FIG4: variants seen among roughly 807,000 people sequenced by gnomAD.
FIG4 encodes the protein polyphosphoinositide phosphatase.
A neutral mutation model predicts 118.6 loss-of-function variants in FIG4; 112 were observed. That is an observed-to-expected ratio of 0.94 (90% CI 0.81 to 1.11). The LOEUF is 1.11. Among genes scored for constraint, FIG4 ranks in the 50% least tolerant of loss-of-function variants. The probability of loss-of-function intolerance (pLI) is 0.00; values close to 1 mark genes in which losing one functional copy is unlikely to be tolerated. For synonymous variants in FIG4, 369 were observed against 381.2 expected (o/e 0.97, Z 0.37); for missense variants, 969 against 1,111.7 (o/e 0.87, Z 1.83).
intron 1 of FIG4, among the ~76,000 whole-genome samples, chr6:109,696,997 A>G (rs767820298): frequency 1.3e-5 from 2 of 152,120 alleles, no homozygotes; most frequent in Non-Finnish European, 2.9e-5. Flanking sequence ...ATATCACTCT[A>G]TGTTTCATAT....
chr6:109,726,476 A>G (rs1775820420), intron 3 of FIG4, among the ~76,000 whole-genome samples: 1 of 152,092 alleles, frequency 6.6e-6, no homozygotes. Context: ...TTTTGGTACC[A>G]GTACCATGCT....
At chr6:109,740,892 T>C (rs912441753) in intron 7 of FIG4, among the ~76,000 whole-genome samples, 10 of 151,716 alleles carry the variant, frequency 6.6e-5, no homozygotes, top group Admixed American at 6.6e-4. Context: ...TGGTGGAAGG[T>C]GAAGGGGAAG....
At position 109,759,298 on chromosome 6, in the gene FIG4, G is replaced by T. The variant is rs747664589; in HGVS notation, c.1138-952G>T. On this transcript the variant is annotated intron_variant, in intron 10 of 22. Transcript: ENST00000230124. The stretch of plus-strand genomic sequence containing the variant: ...AGGATGAGTTCATGTCGTTGAGAGT[G>T]ATGGAACTACCTAATGTAGATATTG... 2.0e-5 allele frequency among the ~76,000 whole-genome samples: 3 copies of T among 152,094 alleles called. No homozygotes were observed. In the South Asian group the frequency reaches 6.2e-4, roughly 32 times the overall value.
chr6:109,778,363 G>A (rs58191833), intron 16 of FIG4, among the ~76,000 whole-genome samples: 5,108 of 151,466 alleles, frequency 0.034, 280 homozygotes, highest in African/African-American at 0.12. Context: ...CCAGCTACTC[G>A]GGAGTCTGAG....
intron 1 of FIG4, among the ~76,000 whole-genome samples, chr6:109,708,377 A>G (rs1289737414): frequency 6.6e-6 from 1 of 152,204 alleles, no homozygotes; most frequent in Non-Finnish European, 1.5e-5. Flanking sequence ...ACTGATGGGC[A>G]TTTAGGTTGA....
intron 18 of FIG4, among the ~76,000 whole-genome samples, chr6:109,788,024 A>G (rs1390870787): frequency 1.3e-5 from 2 of 152,194 alleles, no homozygotes; most frequent in African/African-American, 4.8e-5. Flanking sequence ...AAAATTCTTT[A>G]TAATAACTTT....
intron 22 of FIG4, among the ~76,000 whole-genome samples, chr6:109,802,361 C>G (rs1321929373): frequency 6.6e-6 from 1 of 152,176 alleles, no homozygotes; most frequent in Non-Finnish European, 1.5e-5. Flanking sequence ...CAAGTTCCTG[C>G]CATACATATT....
chr6:109,719,398 T>C (rs1206075328), intron 3 of FIG4, among the ~76,000 whole-genome samples: 2 of 152,020 alleles, frequency 1.3e-5, no homozygotes, highest in Non-Finnish European at 2.9e-5. Flanking sequence ...GTTTTTTTTT[T>C]CTTTGAGACA....
chr6:109,803,108 G>C (rs1439047047), intron 22 of FIG4, among the ~76,000 whole-genome samples: 2 of 152,142 alleles, frequency 1.3e-5, no homozygotes, highest in Non-Finnish European at 2.9e-5. Flanking sequence ...ACAAGATCAG[G>C]AAGAGATGCT....
intron 1 of FIG4, among the ~76,000 whole-genome samples, chr6:109,700,304 GAAC>G (rs1774867996): frequency 6.6e-6 from 1 of 152,030 alleles, no homozygotes; most frequent in Non-Finnish European, 1.5e-5. Flanking sequence ...TTAGTAGCCT[GAAC>G]AACAGATAAA....
At chr6:109,822,797 A>G (rs1046576084) in intron 22 of FIG4, among the ~76,000 whole-genome samples, 2,756 of 49,524 alleles carry the variant, frequency 0.056, 69 homozygotes, top group South Asian at 0.1. Context: ...GTATATATAT[A>G]TATATATATA....
intron 1 of FIG4, among the ~76,000 whole-genome samples, chr6:109,697,394 A>G (rs560391007): frequency 0.015 from 2,243 of 152,264 alleles, 22 homozygotes; most frequent in Middle Eastern, 0.024. Context: ...AGTCATCTGA[A>G]GGCTTGAAAG....
Position 109,786,297 on chromosome 6 carries a change from CTT to C in FIG4, c.1949-4_1949-3del. On this transcript the variant is annotated splice_region_variant and splice_polypyrimidine_tract_variant and intron_variant, in intron 17 of 22. Coordinates refer to ENST00000230124, the MANE Select transcript of FIG4 (RefSeq NM_014845.6). Reference sequence around the variant, plus strand: ...TTTTAGAGTAACATGCAGTATCTCTCTTAGTTATCTGTGCTGTGAACTTAAAG... The same window carrying C: ...TTTTAGAGTAACATGCAGTATCTCTCAGTTATCTGTGCTGTGAACTTAAAG... 6.2e-7 allele frequency: 1 copy of C among 1,610,444 alleles called. No homozygotes were observed.
At chr6:109,749,620 A>AT (rs1562660635) in intron 10 of FIG4, among the ~76,000 whole-genome samples, 11 of 151,944 alleles carry the variant, frequency 7.2e-5, no homozygotes, top group African/African-American at 1.7e-4. Flanking sequence ...ATAAAATAAA[A>AT]AGTAAGTTCA....
intron 22 of FIG4, among the ~76,000 whole-genome samples, chr6:109,813,988 A>G (rs1160374447): frequency 6.6e-6 from 1 of 152,172 alleles, no homozygotes; most frequent in Non-Finnish European, 1.5e-5. Flanking sequence ...CCACTAAACT[A>G]AGCCCCTCTC....
intron 21 of FIG4, among the ~76,000 whole-genome samples, chr6:109,793,122 G>A (rs1294932917): frequency 1.3e-5 from 2 of 152,228 alleles, no homozygotes; most frequent in Non-Finnish European, 2.9e-5. Context: ...AGTGCTAAAT[G>A]CCTGAGACTC....
At chr6:109,796,073 GC>G (rs1212561773) in intron 21 of FIG4, among the ~76,000 whole-genome samples, 1 of 152,250 alleles carries the variant, frequency 6.6e-6, no homozygotes, top group Non-Finnish European at 1.5e-5. Flanking sequence ...GTTGGCCCAG[GC>G]CATTTCCTCT....
intron 15 of FIG4, among the ~76,000 whole-genome samples, chr6:109,769,204 G>C (rs1194424103): frequency 6.6e-6 from 1 of 151,424 alleles, no homozygotes; most frequent in East Asian, 1.9e-4. Flanking sequence ...CCGGGTTCAA[G>C]CGATTCTCCT....
Position 109,791,955 on chromosome 6 carries a change from A to G in FIG4, c.2376+384A>G, listed in dbSNP as rs536513781. Among the ~76,000 whole-genome samples, 449 of 152,372 alleles carry G rather than the reference A, an allele frequency of 2.9e-3. 2 individuals carry two copies. The highest frequency in any genetic ancestry group is 0.02 in the Middle Eastern group (6 of 294). ...TGGGAAATTCATCCTGTTCAATTCA[A>G]TATTACTGATAGATTGGGGGAAACA... is the stretch of plus-strand genomic sequence containing the variant. On this transcript the variant is annotated intron_variant, in intron 20 of 22. Transcript: ENST00000230124.
Sources: allele counts gnomAD v4.1 joint callset (sites outside exome capture counted in the v4.1 genomes callset), GRCh38; gene constraint gnomAD v4.1.1; transcripts MANE v1.5; gene names NCBI Gene and HGNC (gene_info 2026-07-23, HGNC 2026-07-21).